PKP4: variants seen among roughly 807,000 people sequenced by gnomAD.
PKP4 encodes plakophilin 4, also known as plakophilin-4.
A neutral mutation model predicts 145.1 loss-of-function variants in PKP4; 90 were observed. The observed-to-expected ratio is 0.62, with a 90% CI of 0.52 to 0.74. The LOEUF is 0.74. Among genes scored for constraint, PKP4 ranks in the 30% least tolerant of loss-of-function variants. The pLI, the probability that PKP4 is intolerant of heterozygous loss-of-function variation, is 0.00. For missense variants in PKP4, 1,340 were observed against 1,482.7 expected (o/e 0.90, Z 1.58); for synonymous variants, 563 against 577.2 (o/e 0.98, Z 0.35).
chr2:158,478,376 A>T (rs1692825898), intron 1 of PKP4, among the ~76,000 whole-genome samples: 1 of 151,894 alleles, frequency 6.6e-6, no homozygotes, highest in Non-Finnish European at 1.5e-5. Flanking sequence ...TTCATAGTAA[A>T]TCCTTTAGAC....
At chr2:158,545,036 A>C (rs923262001) in intron 2 of PKP4, among the ~76,000 whole-genome samples, 1 of 148,538 alleles carries the variant, frequency 6.7e-6, no homozygotes, top group Non-Finnish European at 1.5e-5. Context: ...TTTGAGTCCA[A>C]AGTGTAAAAG....
At chr2:158,530,537 A>G (rs569217486) in intron 1 of PKP4, among the ~76,000 whole-genome samples, 2 of 120,710 alleles carry the variant, frequency 1.7e-5, no homozygotes, top group South Asian at 5.4e-4. Flanking sequence ...TTGCTAGTGG[A>G]ATGGAGCAAT....
intron 13 of PKP4, 107 bp from the exon 14 acceptor site, chr2:158,662,790 A>G (rs2056724539): frequency 5.6e-6 from 4 of 719,900 alleles, no homozygotes; most frequent in Admixed American, 3.1e-5. Context: ...AATAAAAAGT[A>G]GTTCTTTCAT....
intron 1 of PKP4, among the ~76,000 whole-genome samples, chr2:158,463,682 T>TA (rs1227985417): frequency 1.3e-5 from 2 of 152,200 alleles, no homozygotes; most frequent in Non-Finnish European, 2.9e-5. Context: ...CTCTAGTACT[T>TA]ACATTTCGCA....
chr2:158,603,110 T>C lies in PKP4; in HGVS notation c.280+6T>C. On this transcript the variant is annotated splice_donor_region_variant and intron_variant, in intron 4 of 21. Transcript: ENST00000389759. ...ATTTCCTTGGAGATCAACAGGTATG[T>C]TTTTTATTATATAAAAGTTATGTTT... is the stretch of plus-strand genomic sequence containing the variant. The C allele has an allele frequency of 1.4e-6, 2 of 1,443,868 alleles. No individual in the cohort carries two copies. The highest frequency in any genetic ancestry group is 1.9e-6 in the Non-Finnish European group (2 of 1,056,884). The allele number at this position is 1,443,868 out of a possible 1,614,324, so 89.4% of individuals were successfully genotyped here.
intron 2 of PKP4, among the ~76,000 whole-genome samples, chr2:158,538,136 T>G (rs1483249131): frequency 1.3e-5 from 2 of 152,144 alleles, no homozygotes; most frequent in Non-Finnish European, 2.9e-5. Context: ...TGCAGAGAAA[T>G]TGGAATTTGA....
intron 11 of PKP4, among the ~76,000 whole-genome samples, chr2:158,643,001 A>G (rs763173482): frequency 3.9e-5 from 6 of 152,152 alleles, no homozygotes; most frequent in Non-Finnish European, 7.3e-5. Context: ...TAGTAAATCT[A>G]GTTGTATTAA....
intron 4 of PKP4, among the ~76,000 whole-genome samples, chr2:158,603,706 C>T (rs12694965): frequency 0.47 from 71,289 of 151,962 alleles, 17,466 homozygotes; most frequent in South Asian, 0.66. Context: ...CATAATGTAC[C>T]GGGTGCTGTG....
chr2:158,628,803 C>T (rs1373567063), intron 7 of PKP4, among the ~76,000 whole-genome samples: 2 of 152,112 alleles, frequency 1.3e-5, no homozygotes, highest in African/African-American at 4.8e-5. Flanking sequence ...AATGCTTTGT[C>T]TTATTTCACA....
intron 11 of PKP4, among the ~76,000 whole-genome samples, chr2:158,654,812 AAAGAG>A (rs1201622368): frequency 2.0e-5 from 3 of 152,194 alleles, no homozygotes; most frequent in Non-Finnish European, 4.4e-5. Flanking sequence ...GTAGGAAATA[AAAGAG>A]AAATCTAAAA....
At chr2:158,639,931 G>C (rs1014727454) in intron 9 of PKP4, among the ~76,000 whole-genome samples, 3 of 152,056 alleles carry the variant, frequency 2.0e-5, no homozygotes, top group Non-Finnish European at 2.9e-5. Flanking sequence ...AAAATGCCTG[G>C]AATAGTGCCT....
chr2:158,527,352 C>G (rs2043053485), intron 1 of PKP4, among the ~76,000 whole-genome samples: 1 of 139,424 alleles, frequency 7.2e-6, no homozygotes, highest in Admixed American at 7.3e-5. Flanking sequence ...ACTATCTGAT[C>G]TTTGACAAAC....
intron 1 of PKP4, among the ~76,000 whole-genome samples, chr2:158,522,743 C>A (rs1251106757): frequency 2.0e-5 from 3 of 152,198 alleles, no homozygotes; most frequent in Admixed American, 6.5e-5. Flanking sequence ...CTAGGGAGTG[C>A]CAGACAGTGG....
chr2:158,569,381 G>A (rs567771998), intron 2 of PKP4, among the ~76,000 whole-genome samples: 95 of 152,226 alleles, frequency 6.2e-4, no homozygotes, highest in Non-Finnish European at 1.2e-3. Flanking sequence ...TTCTTTGATC[G>A]TGAGATCTCA....
chr2:158,469,199 C>T (rs1246104477), intron 1 of PKP4, among the ~76,000 whole-genome samples: 1 of 151,944 alleles, frequency 6.6e-6, no homozygotes, highest in Non-Finnish European at 1.5e-5. Flanking sequence ...AAGCTATTCT[C>T]CTGTCTCAGC....
chr2:158,522,850 G>C lies in PKP4; in HGVS notation c.-5-10330G>C, dbSNP rs554093823. Among the ~76,000 whole-genome samples, 8 of 152,254 alleles carry C rather than the reference G, an allele frequency of 5.3e-5. No individual in the cohort carries two copies. The South Asian group carries it at 6.2e-4, about 12-fold the overall frequency. ...CAAGGGGTCAGGGAGTTCCCTTTCCGAGTCAAAGAAAGGGGTGACGGACGC... is the reference window on the plus strand; with the variant it reads ...CAAGGGGTCAGGGAGTTCCCTTTCCCAGTCAAAGAAAGGGGTGACGGACGC... On this transcript the variant is annotated intron_variant, in intron 1 of 21. Transcript: ENST00000389759.
In PKP4 at chr2:158,533,190, A is replaced by T. The variant is rs767527060; in HGVS notation, c.6A>T (p.Pro2=). 2 of 1,611,068 alleles carry T rather than the reference A, an allele frequency of 1.2e-6. No homozygotes were observed. The highest frequency in any genetic ancestry group is 2.7e-5 in the African/African-American group (2 of 74,940). The stretch of plus-strand genomic sequence containing the variant: ...CCTGCTTGATTGCAGGAGGAATGCC[A>T]GCTCCTGAGCAGGCCTCATTGGTGG... The part of the protein sequence containing the change: M[P]APEQASLVEE... The change falls in exon 2 of 22, where the codon CCA becomes CCT. Residue 2 remains proline (P), a synonymous_variant. Coordinates refer to ENST00000389759, the MANE Select transcript of PKP4 (RefSeq NM_003628.6).
At chr2:158,537,737 T>C (rs1365843141) in intron 2 of PKP4, among the ~76,000 whole-genome samples, 1 of 152,124 alleles carries the variant, frequency 6.6e-6, no homozygotes, top group Non-Finnish European at 1.5e-5. Flanking sequence ...AATAACTAGA[T>C]AAATACAGCG....
intron 1 of PKP4, chr2:158,457,946 T>C (rs189270424): frequency 0.012 from 1,807 of 152,362 alleles, 16 homozygotes; most frequent in Middle Eastern, 0.024. Flanking sequence ...CTGCGGCACC[T>C]CCCTGGCGGA....
Sources: gnomAD v4.1 joint callset for allele counts (sites outside exome capture counted in the v4.1 genomes callset) on GRCh38, gnomAD v4.1.1 for gene constraint, MANE v1.5 for transcripts, NCBI Gene and HGNC (gene_info 2026-07-23, HGNC 2026-07-21) for gene names.